MGMT: variants seen among roughly 807,000 people sequenced by gnomAD.
MGMT encodes the protein methylated-DNA--protein-cysteine methyltransferase.
MGMT carries 14 observed loss-of-function variants against 15.9 expected under a neutral mutation model. The ratio of observed to expected loss-of-function variants is 0.88; its 90% CI spans 0.58 to 1.37. MGMT has a LOEUF of 1.37. Ranked by LOEUF, MGMT falls within the 40% of genes most tolerant of loss-of-function variation. MGMT has a pLI of 0.00. For missense variants in MGMT, 282 were observed against 268.1 expected (o/e 1.05, Z -0.36); for synonymous variants, 130 against 118.2 (o/e 1.10, Z -0.65).
intron 2 of MGMT, among the ~76,000 whole-genome samples, chr10:129,584,804 G>T (rs971028386): frequency 6.6e-6 from 1 of 152,196 alleles, no homozygotes; most frequent in Admixed American, 6.5e-5. Flanking sequence ...CCACGCTCCA[G>T]CATGTGTCAG....
intron 2 of MGMT, among the ~76,000 whole-genome samples, chr10:129,694,660 T>G (rs536681206): frequency 3.9e-5 from 6 of 152,312 alleles, no homozygotes; most frequent in Non-Finnish European, 7.3e-5. Flanking sequence ...TTACTTTTCT[T>G]TCCTGCTTTG....
At chr10:129,737,866 G>A (rs4500403) in intron 3 of MGMT, among the ~76,000 whole-genome samples, 36,176 of 152,030 alleles carry the variant, frequency 0.24, 5,071 homozygotes, top group East Asian at 0.43. Flanking sequence ...TAGGCTGCTT[G>A]AGGGTCAGGG....
At chr10:129,592,124 C>T (rs546257853) in intron 2 of MGMT, among the ~76,000 whole-genome samples, 4 of 152,200 alleles carry the variant, frequency 2.6e-5, no homozygotes, top group East Asian at 1.9e-4. Context: ...CTCAGGGTGA[C>T]GGGAGTGGCC....
chr10:129,565,382 A>G (rs551324170), intron 2 of MGMT, among the ~76,000 whole-genome samples: 1 of 152,178 alleles, frequency 6.6e-6, no homozygotes, highest in South Asian at 2.1e-4. Flanking sequence ...TATGCAGTAG[A>G]TATGTTAGAA....
At chr10:129,570,699 A>G (rs1447154873) in intron 2 of MGMT, among the ~76,000 whole-genome samples, 2 of 152,220 alleles carry the variant, frequency 1.3e-5, no homozygotes, top group Admixed American at 6.5e-5. Flanking sequence ...ATTTTGACTG[A>G]AAAAAATTGA....
At position 129,697,176 on chromosome 10, in the gene MGMT, C is replaced by T. The variant is rs112022444; in HGVS notation, c.126-10719C>T. Among the ~76,000 whole-genome samples, 83 of 152,294 alleles carry T rather than the reference C, an allele frequency of 5.4e-4. 3 individuals carry two copies. The highest frequency in any genetic ancestry group is 1.9e-3 in the African/African-American group (79 of 41,566). On this transcript the variant is annotated intron_variant, in intron 2 of 4. Transcript: ENST00000651593. Reference sequence around the variant, plus strand: ...TTCCCATTGTCTTTGAATAATGGGGCAGTGGGCCTGGATTGTTGTCCTGTG... The same window carrying T: ...TTCCCATTGTCTTTGAATAATGGGGTAGTGGGCCTGGATTGTTGTCCTGTG...
intron 2 of MGMT, among the ~76,000 whole-genome samples, chr10:129,543,894 G>A (rs963301524): frequency 1.5e-4 from 23 of 152,198 alleles, no homozygotes; most frequent in African/African-American, 5.5e-4. Context: ...TTCAGAATAT[G>A]ATCCAAAGTG....
chr10:129,743,271 G>A (rs1034373364), intron 3 of MGMT, among the ~76,000 whole-genome samples: 5 of 152,190 alleles, frequency 3.3e-5, no homozygotes, highest in Admixed American at 6.5e-5. Flanking sequence ...GGTGCTTGCC[G>A]GCGAACGCCA....
chr10:129,634,197 C>T (rs1250113177), intron 2 of MGMT, among the ~76,000 whole-genome samples: 1 of 152,188 alleles, frequency 6.6e-6, no homozygotes, highest in Non-Finnish European at 1.5e-5. Flanking sequence ...TGCATTGTTT[C>T]CATTAAGAAT....
At chr10:129,713,914 GA>G (rs1297841862) in intron 3 of MGMT, among the ~76,000 whole-genome samples, 2 of 152,210 alleles carry the variant, frequency 1.3e-5, no homozygotes, top group African/African-American at 2.4e-5. Context: ...ACTTTCATGG[GA>G]AGTCCCCATT....
intron 1 of MGMT, among the ~76,000 whole-genome samples, chr10:129,491,493 T>C (rs1194118233): frequency 1.3e-5 from 2 of 152,190 alleles, no homozygotes; most frequent in Non-Finnish European, 2.9e-5. Context: ...TGTCATCTAT[T>C]GGCAAATTCT....
At chr10:129,618,398 T>C (rs1847052737) in intron 2 of MGMT, among the ~76,000 whole-genome samples, 1 of 152,034 alleles carries the variant, frequency 6.6e-6, no homozygotes, top group Non-Finnish European at 1.5e-5. Context: ...TGGCCCCGAC[T>C]TCATTGCTGT....
intron 2 of MGMT, among the ~76,000 whole-genome samples, chr10:129,612,853 C>A (rs986258454): frequency 1.3e-5 from 2 of 152,160 alleles, no homozygotes; most frequent in African/African-American, 4.8e-5. Context: ...CTGCCTCTTC[C>A]GTCCCCCTCG....
chr10:129,705,478 G>T (rs566722306), intron 2 of MGMT, among the ~76,000 whole-genome samples: 9 of 152,250 alleles, frequency 5.9e-5, no homozygotes, highest in African/African-American at 1.7e-4. Context: ...CTTTATTTCC[G>T]CTTTAACTGC....
At chr10:129,725,023 C>T (rs1276402369) in intron 3 of MGMT, among the ~76,000 whole-genome samples, 2 of 152,328 alleles carry the variant, frequency 1.3e-5, no homozygotes, top group East Asian at 3.9e-4. Flanking sequence ...CGGTCCTCTC[C>T]AGAGCCCTGC....
At position 129,769,226 on chromosome 10, in the gene MGMT, C is replaced by G. The variant is rs1848973932; in HGVS notation, c.*2229C>G. ...CTTGATAGATGCCCGGAGGTTCCCTCTGACAGCCGCAGCAGCAGGGCTCAA... is the reference window on the plus strand; with the variant it reads ...CTTGATAGATGCCCGGAGGTTCCCTGTGACAGCCGCAGCAGCAGGGCTCAA... On this transcript the variant is annotated 3_prime_UTR_variant, in exon 5 of 5. Coordinates refer to ENST00000651593, the MANE Select transcript of MGMT (RefSeq NM_002412.5). 6.6e-6 allele frequency: 1 copy of G among 152,326 alleles called. No individual in the cohort carries two copies. The highest frequency in any genetic ancestry group is 1.5e-5 in the Non-Finnish European group (1 of 68,116). The allele number at this position is 152,326 out of a possible 1,614,324, so 9.4% of individuals were successfully genotyped here.
At chr10:129,688,206 AG>A (rs529771437) in intron 2 of MGMT, among the ~76,000 whole-genome samples, 57 of 152,318 alleles carry the variant, frequency 3.7e-4, no homozygotes, top group African/African-American at 1.3e-3. Context: ...GTATATGTCC[AG>A]TAATGGGTTG....
At chr10:129,544,816 G>A (rs1291495779) in intron 2 of MGMT, among the ~76,000 whole-genome samples, 1 of 152,182 alleles carries the variant, frequency 6.6e-6, no homozygotes, top group Non-Finnish European at 1.5e-5. Context: ...TGGGAAATAA[G>A]GTTCAATGAA....
chr10:129,554,408 G>A (rs1415887121), intron 2 of MGMT, among the ~76,000 whole-genome samples: 1 of 151,612 alleles, frequency 6.6e-6, no homozygotes, highest in Non-Finnish European at 1.5e-5. Context: ...CATTTTTCTT[G>A]TTCTGACATC....
Sources: gnomAD v4.1 joint callset for allele counts (sites outside exome capture counted in the v4.1 genomes callset) on GRCh38, gnomAD v4.1.1 for gene constraint, MANE v1.5 for transcripts, NCBI Gene and HGNC (gene_info 2026-07-23, HGNC 2026-07-21) for gene names.